Variants in AGBL4 observed in about 807,000 individuals in gnomAD.
AGBL4 encodes cytosolic carboxypeptidase 6.
A neutral mutation model predicts 66.4 loss-of-function variants in AGBL4; 58 were observed. That is an observed-to-expected ratio of 0.87 (90% confidence interval 0.71 to 1.09). The LOEUF (loss-of-function observed/expected upper bound fraction) is 1.09, where lower values mean the gene tolerates loss of function less well. Ranked by LOEUF, AGBL4 falls within the 50% of genes least tolerant of loss-of-function variation. AGBL4 has a pLI of 0.00. For synonymous variants in AGBL4, 234 were observed against 222.9 expected (o/e 1.05, Z -0.44); for missense variants, 579 against 631.0 (o/e 0.92, Z 0.88).
intron 6 of AGBL4, among the ~76,000 whole-genome samples, chr1:48,754,000 G>A (rs1652138744): frequency 6.6e-6 from 1 of 152,190 alleles, no homozygotes; most frequent in African/African-American, 2.4e-5. Context: ...TGTGAGACTT[G>A]TGTGCATCCT....
chr1:49,877,167 T>C (rs1027544991), intron 1 of AGBL4, among the ~76,000 whole-genome samples: 2 of 151,418 alleles, frequency 1.3e-5, no homozygotes, highest in Non-Finnish European at 2.9e-5. Flanking sequence ...TCCTGTGTGA[T>C]TGCCCTGGCC....
chr1:49,352,893 T>C (rs1320920976), intron 3 of AGBL4, among the ~76,000 whole-genome samples: 1 of 152,164 alleles, frequency 6.6e-6, no homozygotes, highest in Non-Finnish European at 1.5e-5. Context: ...GGAGTTGGGA[T>C]TCAAACCTAG....
intron 5 of AGBL4, among the ~76,000 whole-genome samples, chr1:48,907,465 T>C (rs1408855990): frequency 1.3e-5 from 2 of 152,216 alleles, no homozygotes; most frequent in African/African-American, 4.8e-5. Context: ...TCTATGACCA[T>C]AGTTTATTAT....
intron 3 of AGBL4, among the ~76,000 whole-genome samples, chr1:49,466,927 T>G (rs1333433352): frequency 6.6e-6 from 1 of 151,754 alleles, no homozygotes; most frequent in African/African-American, 2.4e-5. Context: ...TTTTACTCAG[T>G]GGCAAGATAA....
chr1:48,610,812 C>T (rs1645226566), intron 9 of AGBL4, among the ~76,000 whole-genome samples: 1 of 152,204 alleles, frequency 6.6e-6, no homozygotes, highest in African/African-American at 2.4e-5. Context: ...CTGTCTCCTG[C>T]ACCTCAGGAA....
intron 4 of AGBL4, among the ~76,000 whole-genome samples, chr1:49,156,020 C>T (rs1023232545): frequency 6.6e-6 from 1 of 152,140 alleles, no homozygotes; most frequent in Non-Finnish European, 1.5e-5. Flanking sequence ...GATCATCAGA[C>T]GTTTATTGAA....
At chr1:49,848,440 T>C (rs1571708099) in intron 2 of AGBL4, among the ~76,000 whole-genome samples, 1 of 152,176 alleles carries the variant, frequency 6.6e-6, no homozygotes, top group African/African-American at 2.4e-5. Context: ...CAATGCAGGA[T>C]TGCATAAAGA....
rs113388902 is a variant in AGBL4, at chr1:49,267,421, C to T, written c.283-21557G>A. Among the ~76,000 whole-genome samples the T allele has an allele frequency of 2.0e-3, 312 of 152,266 alleles. 4 individuals carry two copies. The highest frequency in any genetic ancestry group is 7.0e-3 in the African/African-American group (290 of 41,550). ...CAAGGCGAGGCACGGTGGCTCACGC[C>T]TATAATCCCAGCACTTTGGGAGGCC... is the stretch of plus-strand genomic sequence containing the variant. On this transcript the variant is annotated intron_variant, in intron 3 of 13. Coordinates refer to ENST00000371839, the MANE Select transcript of AGBL4 (RefSeq NM_032785.4).
intron 8 of AGBL4, among the ~76,000 whole-genome samples, chr1:48,646,856 T>C (rs1052259617): frequency 2.0e-5 from 3 of 152,116 alleles, no homozygotes; most frequent in African/African-American, 7.2e-5. Context: ...ATCATGGGGC[T>C]GCTGTGAGGA....
chr1:49,862,220 A>G (rs1311715532), intron 1 of AGBL4, among the ~76,000 whole-genome samples: 1 of 152,126 alleles, frequency 6.6e-6, no homozygotes, highest in African/African-American at 2.4e-5. Context: ...AAACTCAAGC[A>G]GAAATTCTAA....
intron 6 of AGBL4, chr1:48,776,862 C>G: frequency 6.9e-7 from 1 of 1,443,654 alleles, no homozygotes; most frequent in East Asian, 3.0e-5. Context: ...CCCGGTCGGG[C>G]AGCTCAGCCC....
intron 2 of AGBL4, among the ~76,000 whole-genome samples, chr1:49,716,451 G>A (rs1040664563): frequency 5.3e-5 from 8 of 151,892 alleles, no homozygotes; most frequent in East Asian, 3.9e-4. Context: ...TTTTGGTTCC[G>A]TATGAAATTT....
intron 6 of AGBL4, among the ~76,000 whole-genome samples, chr1:48,748,044 T>C (rs1241880331): frequency 1.3e-5 from 2 of 152,144 alleles, no homozygotes; most frequent in Non-Finnish European, 2.9e-5. Context: ...CAAGTCAAAA[T>C]TCCTAAATGC....
chr1:49,194,047 A>AT (rs1377930023), intron 4 of AGBL4, among the ~76,000 whole-genome samples: 2 of 151,912 alleles, frequency 1.3e-5, no homozygotes, highest in Non-Finnish European at 1.5e-5. Flanking sequence ...TCTAAAGTCC[A>AT]TTTTTTGTCC....
chr1:49,192,666 T>C, intron 4 of AGBL4, among the ~76,000 whole-genome samples: 1 of 152,238 alleles, frequency 6.6e-6, no homozygotes, highest in East Asian at 1.9e-4. Context: ...TTCATGTCCT[T>C]TGTAAAAGGG....
intron 3 of AGBL4, among the ~76,000 whole-genome samples, chr1:49,288,220 G>T (rs1286408640): frequency 2.6e-5 from 3 of 117,184 alleles, no homozygotes; most frequent in Non-Finnish European, 5.2e-5. Flanking sequence ...GTGGTGGGGT[G>T]GGGGGAGGGG....
intron 4 of AGBL4, among the ~76,000 whole-genome samples, chr1:49,224,424 T>G (rs1649736783): frequency 1.3e-5 from 2 of 151,946 alleles, no homozygotes; most frequent in Non-Finnish European, 2.9e-5. Context: ...AAGACCATCC[T>G]GGCTAACACG....
chr1:49,823,419 A>T (rs1645418728), intron 2 of AGBL4, among the ~76,000 whole-genome samples: 2 of 152,188 alleles, frequency 1.3e-5, no homozygotes, highest in African/African-American at 4.8e-5. Context: ...ACATAGTTTA[A>T]AAATATATAT....
chr1:49,765,684 A>G (rs1652679611), intron 2 of AGBL4, among the ~76,000 whole-genome samples: 1 of 152,148 alleles, frequency 6.6e-6, no homozygotes, highest in Non-Finnish European at 1.5e-5. Context: ...CAATGCTGAA[A>G]ACACAAAAAA....
Sources: gnomAD v4.1 joint callset for allele counts (sites outside exome capture counted in the v4.1 genomes callset) on GRCh38, gnomAD v4.1.1 for gene constraint, MANE v1.5 for transcripts, NCBI Gene and HGNC (gene_info 2026-07-23, HGNC 2026-07-21) for gene names.